Variants in EPHA3 observed in about 807,000 individuals in gnomAD.
The protein encoded by EPHA3 is ephrin type-A receptor 3.
Under a neutral mutation model 107.1 loss-of-function variants are expected in EPHA3, and 42 were observed. That is an observed-to-expected ratio of 0.39 (90% confidence interval 0.31 to 0.51). The LOEUF (loss-of-function observed/expected upper bound fraction) is 0.51. EPHA3 is among the 20% of genes least tolerant of loss of function. The probability of loss-of-function intolerance (pLI) is 0.78; values close to 1 mark genes in which losing one functional copy is unlikely to be tolerated. For missense variants in EPHA3, 1,183 were observed against 1,211.2 expected, an observed-to-expected ratio of 0.98 and a Z score of 0.35; for synonymous variants, 461 against 424.8, an observed-to-expected ratio of 1.09 and a Z score of -1.05.
At chr3:89,338,497 CT>C (rs35484061) in intron 3 of EPHA3, among the ~76,000 whole-genome samples, 3 of 152,292 alleles carry the variant, frequency 2.0e-5, no homozygotes, top group Non-Finnish European at 2.9e-5. Context: ...ACATTTTTGC[CT>C]TTTTGGGAAT....
At chr3:89,166,228 TTCA>T (rs1705060800) in intron 2 of EPHA3, among the ~76,000 whole-genome samples, 1 of 152,182 alleles carries the variant, frequency 6.6e-6, no homozygotes, top group Non-Finnish European at 1.5e-5. Flanking sequence ...TATCTTCTTC[TTCA>T]TATAATTTAT....
At chr3:89,300,619 C>T (rs951086067) in intron 3 of EPHA3, among the ~76,000 whole-genome samples, 9 of 152,034 alleles carry the variant, frequency 5.9e-5, no homozygotes, top group African/African-American at 2.2e-4. Context: ...TGTCTGAAAT[C>T]TGCCCAATGT....
intron 3 of EPHA3, among the ~76,000 whole-genome samples, chr3:89,261,812 G>A (rs959023682): frequency 1.3e-5 from 2 of 150,930 alleles, no homozygotes; most frequent in African/African-American, 4.9e-5. Context: ...TTTAAAAAGT[G>A]ATACTATTAG....
chr3:89,246,085 C>T (rs1407777244), intron 3 of EPHA3, among the ~76,000 whole-genome samples: 2 of 151,944 alleles, frequency 1.3e-5, no homozygotes, highest in African/African-American at 4.8e-5. Flanking sequence ...AATAGGAATG[C>T]TGACTATTCA....
chr3:89,460,566 A>G (rs1222090981), intron 15 of EPHA3, among the ~76,000 whole-genome samples: 1 of 150,158 alleles, frequency 6.7e-6, no homozygotes, highest in East Asian at 1.9e-4. Context: ...ATGAAAATAA[A>G]CAAGTATTAG....
chr3:89,394,342 G>A (rs1266944435), intron 5 of EPHA3, among the ~76,000 whole-genome samples: 2 of 152,096 alleles, frequency 1.3e-5, no homozygotes, highest in African/African-American at 2.4e-5. Context: ...GCAGTAAGCC[G>A]AGATCACATC....
chr3:89,125,175 G>T (rs191201638), intron 1 of EPHA3, among the ~76,000 whole-genome samples: 1 of 151,830 alleles, frequency 6.6e-6, no homozygotes, highest in East Asian at 1.9e-4. Context: ...TTAGTAATGT[G>T]CAATTACTAC....
chr3:89,313,800 C>T lies in EPHA3; in HGVS notation c.815-27116C>T, dbSNP rs71322868. Among the ~76,000 whole-genome samples the T allele has an allele frequency of 3.3e-3, 501 of 152,030 alleles. 1 individual carries two copies. Among genetic ancestry groups the T allele is most frequent in the South Asian group, 0.012 (58 of 4,824 alleles). On this transcript the variant is annotated intron_variant, in intron 3 of 16. Transcript: ENST00000336596. ...ATAAAAGCAAAAATTATCACTTCCC[C>T]ATTACACCTGTCATTCCAGCCTCTA...
chr3:89,262,748 C>T (rs1199348462), intron 3 of EPHA3, among the ~76,000 whole-genome samples: 1 of 152,118 alleles, frequency 6.6e-6, no homozygotes, highest in African/African-American at 2.4e-5. Flanking sequence ...GCACTGGAAC[C>T]GGCTGGCTGT....
intron 5 of EPHA3, among the ~76,000 whole-genome samples, chr3:89,391,234 A>G (rs1708723358): frequency 6.6e-6 from 1 of 152,120 alleles, no homozygotes. Flanking sequence ...ACACACAGTT[A>G]AGAGTTTCTT....
chr3:89,209,651 A>G (rs987175770), intron 2 of EPHA3, among the ~76,000 whole-genome samples: 1 of 152,130 alleles, frequency 6.6e-6, no homozygotes, highest in African/African-American at 2.4e-5. Context: ...TATTCAACAA[A>G]CTGTAACGCA....
chr3:89,148,961 C>T (rs1457006712), intron 2 of EPHA3, among the ~76,000 whole-genome samples: 2 of 151,960 alleles, frequency 1.3e-5, no homozygotes, highest in Non-Finnish European at 2.9e-5. Context: ...GAAAAATAGA[C>T]ATCAGGAACC....
chr3:89,114,609 C>G (rs1283187864), intron 1 of EPHA3, among the ~76,000 whole-genome samples: 1 of 152,198 alleles, frequency 6.6e-6, no homozygotes, highest in Non-Finnish European at 1.5e-5. Context: ...GCCTCCGTCC[C>G]GAGGTAGGGT....
At chr3:89,125,509 T>C (rs889279678) in intron 1 of EPHA3, among the ~76,000 whole-genome samples, 1 of 151,742 alleles carries the variant, frequency 6.6e-6, no homozygotes, top group Non-Finnish European at 1.5e-5. Flanking sequence ...AATTGCAATA[T>C]AATTAAGCAT....
rs1018715666 is a variant in EPHA3, at chr3:89,210,397, G to A, written c.691G>A (p.Val231Ile). 2 of 1,613,724 alleles carry A rather than the reference G, an allele frequency of 1.2e-6. No individual in the cohort carries two copies. Among genetic ancestry groups the A allele is most frequent in the African/African-American group, 2.7e-5 (2 of 74,882 alleles). ...CCTGGTGGAGGTTAGAGGGTCTTGT[G>A]TCAACAATTCTAAGGAGGAAGATCC... ...QSLVEVRGSC[V>I]NNSKEEDPPR... The change falls in exon 3 of 17, where the codon GTC becomes ATC. Residue 231 changes from valine to isoleucine, a missense_variant. Physicochemically the swap from Val to Ile is conservative, Grantham distance 29. Coordinates refer to ENST00000336596, the MANE Select transcript of EPHA3 (RefSeq NM_005233.6).
At chr3:89,237,021 GGAT>G (rs1392736064) in intron 3 of EPHA3, among the ~76,000 whole-genome samples, 1 of 152,146 alleles carries the variant, frequency 6.6e-6, no homozygotes, top group African/African-American at 2.4e-5. Flanking sequence ...TGGATCGAAT[GGAT>G]AAATGAATGC....
chr3:89,129,302 T>C (rs977690280), intron 2 of EPHA3, among the ~76,000 whole-genome samples: 7 of 152,148 alleles, frequency 4.6e-5, no homozygotes, highest in Admixed American at 4.6e-4. Flanking sequence ...ATTGCTGTCC[T>C]CTGTTGATCT....
intron 3 of EPHA3, among the ~76,000 whole-genome samples, chr3:89,240,296 C>A (rs1006893605): frequency 1.7e-4 from 26 of 152,090 alleles, no homozygotes; most frequent in African/African-American, 6.3e-4. Flanking sequence ...AACTATAATG[C>A]CTGCTTCATT....
chr3:89,402,973 C>G (rs1708995245), intron 7 of EPHA3, among the ~76,000 whole-genome samples: 1 of 152,108 alleles, frequency 6.6e-6, no homozygotes, highest in South Asian at 2.1e-4. Flanking sequence ...CCACCGTGCC[C>G]AGCCGGTTTT....
Sources: gnomAD v4.1 joint callset for allele counts (sites outside exome capture counted in the v4.1 genomes callset) on GRCh38, gnomAD v4.1.1 for gene constraint, MANE v1.5 for transcripts, NCBI Gene and HGNC (gene_info 2026-07-23, HGNC 2026-07-21) for gene names.